The following ZNF407 variants were observed in gnomAD, a reference collection of about 807,000 sequenced individuals.
ZNF407 encodes the protein zinc finger protein 407.
In ZNF407, 17 loss-of-function variants were observed where a neutral mutation model predicts 131.2. The observed-to-expected ratio is 0.13, with a 90% CI of 0.09 to 0.19. The LOEUF (loss-of-function observed/expected upper bound fraction) is 0.19, where lower values mean the gene tolerates loss of function less well. ZNF407 is among the 10% of genes least tolerant of loss of function. ZNF407 has a pLI of 1.00. For missense variants in ZNF407, 2,681 were observed against 2,830.6 expected (o/e 0.95, Z 1.20); for synonymous variants, 1,156 against 1,062.0 (o/e 1.09, Z -1.72).
At chr18:74,761,429 A>AT (rs947906983) in intron 3 of ZNF407, among the ~76,000 whole-genome samples, 3 of 151,806 alleles carry the variant, frequency 2.0e-5, no homozygotes, top group African/African-American at 2.4e-5. Flanking sequence ...CCTTAGCACA[A>AT]TTTTTTTTAC....
chr18:74,811,126 C>T (rs917973831), intron 4 of ZNF407, among the ~76,000 whole-genome samples: 4 of 152,114 alleles, frequency 2.6e-5, no homozygotes, highest in African/African-American at 9.7e-5. Flanking sequence ...ACCTACTCAT[C>T]TGACAAAGGG....
At chr18:74,770,466 C>T (rs1353773270) in intron 3 of ZNF407, among the ~76,000 whole-genome samples, 1 of 152,056 alleles carries the variant, frequency 6.6e-6, no homozygotes, top group East Asian at 1.9e-4. Context: ...CAACCCAGAG[C>T]TTGGCAGTCT....
At chr18:74,762,552 A>T (rs552363067) in intron 3 of ZNF407, among the ~76,000 whole-genome samples, 1 of 152,144 alleles carries the variant, frequency 6.6e-6, no homozygotes, top group Non-Finnish European at 1.5e-5. Context: ...TACTGCCCCA[A>T]ATTCCCATTT....
Position 74,871,326 on chromosome 18 carries a change from T to C in ZNF407, c.4878-5871T>C, listed in dbSNP as rs575396949. 5.3e-5 allele frequency among the ~76,000 whole-genome samples: 8 copies of C among 152,292 alleles called. No individual in the cohort carries two copies. In the East Asian group the frequency reaches 1.5e-3, roughly 29 times the overall value. On this transcript the variant is annotated intron_variant, in intron 4 of 8. Transcript: ENST00000299687. ...TATTATCATATAATTATTAAATTAT[T>C]ATCTTGAAAAAAGAAGGCTTTTATT... is the stretch of plus-strand genomic sequence containing the variant.
intron 8 of ZNF407, among the ~76,000 whole-genome samples, chr18:74,963,874 T>C (rs979386664): frequency 6.6e-6 from 1 of 152,254 alleles, no homozygotes; most frequent in African/African-American, 2.4e-5. Flanking sequence ...ATTCTATGCC[T>C]GTAAACATAT....
intron 1 of ZNF407, chr18:74,598,230 C>G (rs1438065292): frequency 6.6e-6 from 1 of 152,514 alleles, no homozygotes; most frequent in African/African-American, 2.4e-5. Flanking sequence ...GCCCTCTCAC[C>G]CGCTCGCTCC....
At position 74,635,359 on chromosome 18, in the gene ZNF407, T is replaced by C. The variant is rs781346923; in HGVS notation, c.4340T>C (p.Leu1447Ser). Residue 1447 changes from leucine to serine, a missense_variant, in exon 2 of 9, where the codon TTA becomes TCA. Transcript: ENST00000299687. The surrounding 1 kb of genome is among the most constrained non-coding windows in gnomAD (Gnocchi z 4.7). ...ACAAAAGAGAAGCACTTCCATTGTT[T>C]ACTCTGTGGAAAGTCGTTCTATACC... ...HPTKEKHFHC[L>S]LCGKSFYTES... The C allele has an allele frequency of 6.2e-7, 1 of 1,614,040 alleles. No homozygotes were observed. The highest frequency in any genetic ancestry group is 8.5e-7 in the Non-Finnish European group (1 of 1,179,898).
At chr18:74,975,618 G>GA (rs970081447) in intron 8 of ZNF407, among the ~76,000 whole-genome samples, 8 of 152,150 alleles carry the variant, frequency 5.3e-5, no homozygotes, top group South Asian at 2.1e-4. Context: ...TAGGTCTAGG[G>GA]AAAAAATAGC....
intron 3 of ZNF407, among the ~76,000 whole-genome samples, chr18:74,720,934 T>TTTTTTTC (rs1555680431): frequency 6.6e-6 from 1 of 151,512 alleles, no homozygotes; most frequent in Non-Finnish European, 1.5e-5. Context: ...CAGCTTTTTT[T>TTTTTTTC]TTTTTCTTTT....
intron 8 of ZNF407, among the ~76,000 whole-genome samples, chr18:74,947,024 G>T (rs1972160975): frequency 6.6e-6 from 1 of 152,054 alleles, no homozygotes; most frequent in Non-Finnish European, 1.5e-5. Context: ...TAGTCTGTGT[G>T]GTTTATCTTG....
chr18:74,840,143 C>T (rs540479888), intron 4 of ZNF407, among the ~76,000 whole-genome samples: 5 of 152,278 alleles, frequency 3.3e-5, no homozygotes, highest in East Asian at 1.9e-4. Context: ...ACATGGCTTT[C>T]GGGAAACCAC....
At chr18:74,992,548 T>TGAGCTGA (rs1972730976) in intron 8 of ZNF407, among the ~76,000 whole-genome samples, 1 of 152,190 alleles carries the variant, frequency 6.6e-6, no homozygotes, top group Non-Finnish European at 1.5e-5. Context: ...CGCATTTCCA[T>TGAGCTGA]GGTGAGCTGA....
intron 3 of ZNF407, among the ~76,000 whole-genome samples, chr18:74,713,358 C>CTTTT (rs5826345): frequency 3.6e-5 from 3 of 84,464 alleles, no homozygotes; most frequent in African/African-American, 7.8e-5. Context: ...ATTTTAGCAT[C>CTTTT]TTTTTTTTTT....
intron 8 of ZNF407, among the ~76,000 whole-genome samples, chr18:75,032,421 C>T (rs946476667): frequency 7.2e-5 from 11 of 152,200 alleles, no homozygotes; most frequent in African/African-American, 2.7e-4. Flanking sequence ...CTTTGACTCT[C>T]CACAGACCAT....
At chr18:74,730,113 G>C (rs1968260609) in intron 3 of ZNF407, among the ~76,000 whole-genome samples, 1 of 152,188 alleles carries the variant, frequency 6.6e-6, no homozygotes, top group Non-Finnish European at 1.5e-5. Flanking sequence ...GCACCAATGA[G>C]ATCATGTTCA....
Position 74,634,356 on chromosome 18 carries a change from G to C in ZNF407, c.3337G>C (p.Gly1113Arg). The change falls in exon 2 of 9, where the codon GGT becomes CGT. Residue 1113 changes from glycine to arginine, a missense_variant. This residue lies in a region of ZNF407 where 1,789 missense variants were observed against 1,748.7 expected (regional missense o/e 1.02). Transcript: ENST00000299687. ...QNSEEFQIIS[G>R]QPSDTLKSRN... ...TTCTGAGGAATTTCAAATAATTTCAGGTCAACCATCTGATACTCTTAAATC... is the reference window on the plus strand; with the variant it reads ...TTCTGAGGAATTTCAAATAATTTCACGTCAACCATCTGATACTCTTAAATC... 3 of 1,613,806 alleles carry C rather than the reference G, an allele frequency of 1.9e-6. No homozygotes were observed. The highest frequency in any genetic ancestry group is 1.1e-5 in the South Asian group (1 of 91,056).
At chr18:74,838,372 G>A (rs1050179991) in intron 4 of ZNF407, among the ~76,000 whole-genome samples, 2 of 152,162 alleles carry the variant, frequency 1.3e-5, no homozygotes, top group East Asian at 1.9e-4. Context: ...ATTAGAATGC[G>A]TCCTGTGTTC....
Position 74,876,089 on chromosome 18 carries a change from A to C in ZNF407, c.4878-1108A>C, listed in dbSNP as rs537317233. ...TTATGGGGCTAAGGAAATTTGTAAA[A>C]GTATGGTTAAAGACTCTATGTGAAA... On this transcript the variant is annotated intron_variant, in intron 4 of 8. Coordinates refer to ENST00000299687, the MANE Select transcript of ZNF407 (RefSeq NM_017757.3). 1.3e-3 allele frequency among the ~76,000 whole-genome samples: 201 copies of C among 152,326 alleles called. 1 individual carries two copies. The highest frequency in any genetic ancestry group is 2.5e-3 in the Non-Finnish European group (173 of 68,026).
chr18:74,765,546 C>T (rs1340307278), intron 3 of ZNF407, among the ~76,000 whole-genome samples: 4 of 152,166 alleles, frequency 2.6e-5, no homozygotes, highest in African/African-American at 7.2e-5. Flanking sequence ...CCCTTGAGCC[C>T]GCAGGTCTCT....
Sources: allele counts gnomAD v4.1 joint callset (sites outside exome capture counted in the v4.1 genomes callset), GRCh38; gene constraint gnomAD v4.1.1; regional missense constraint gnomAD v4.1.1; non-coding constraint Gnocchi (gnomAD v3.1); transcripts MANE v1.5; gene names NCBI Gene and HGNC (gene_info 2026-07-23, HGNC 2026-07-21).